Variants in TMEM30B observed in about 807,000 individuals in gnomAD.
TMEM30B encodes cell cycle control protein 50B.
In TMEM30B, 25 loss-of-function variants were observed where a neutral mutation model predicts 27.9. The ratio of observed to expected loss-of-function variants is 0.89; its 90% CI spans 0.65 to 1.25. The LOEUF is 1.25. Among genes scored for constraint, TMEM30B ranks in the 50% most tolerant of loss-of-function variants. The pLI, the probability that TMEM30B is intolerant of heterozygous loss-of-function variation, is 0.00. For synonymous variants in TMEM30B, 248 were observed against 238.5 expected (o/e 1.04, Z -0.37); for missense variants, 536 against 506.5 (o/e 1.06, Z -0.56).
rs1362681021 is a variant in TMEM30B at position 61,277,742 on chromosome 14, A to G, written c.*2350T>C. On this transcript the variant is annotated 3_prime_UTR_variant, in exon 1 of 1. Coordinates refer to ENST00000555868, the MANE Select transcript of TMEM30B (RefSeq NM_001017970.3). ...TTTGAGGACTATCTAGTTTATATAC[A>G]TGTTGAGGTTGATAAAGTATTGAGG... 1 of 152,238 alleles carries G rather than the reference A, an allele frequency of 6.6e-6. No individual in the cohort carries two copies. Among genetic ancestry groups the G allele is most frequent in the African/African-American group, 2.4e-5 (1 of 41,460 alleles). 9.4% of individuals were successfully genotyped at this position (152,238 alleles called of 1,614,324 possible).
Position 61,277,874 on chromosome 14 carries a change from T to C in TMEM30B, c.*2218A>G, listed in dbSNP as rs2045218204. 3 of 152,232 alleles carry C rather than the reference T, an allele frequency of 2.0e-5. No homozygotes were observed. The South Asian group carries it at 6.2e-4, about 31-fold the overall frequency. The allele number at this position is 152,232 out of a possible 1,614,324, so 9.4% of individuals were successfully genotyped here. A position where few individuals can be genotyped will look rare whatever the true frequency, so the allele number is the denominator to read the frequency against. Reference sequence around the variant, plus strand: ...AACTGAATGTTACTATAAAAGATGGTTTTCTTGCTGCAATGTAAATCTGCT... The same window carrying C: ...AACTGAATGTTACTATAAAAGATGGCTTTCTTGCTGCAATGTAAATCTGCT... On this transcript the variant is annotated 3_prime_UTR_variant, in exon 1 of 1. Coordinates refer to ENST00000555868, the MANE Select transcript of TMEM30B (RefSeq NM_001017970.3).
At position 61,280,814 on chromosome 14, in the gene TMEM30B, A is replaced by G. The variant is rs142725512; in HGVS notation, c.334T>C (p.Tyr112His). 16 of 1,564,600 alleles carry G rather than the reference A, an allele frequency of 1.0e-5. No individual in the cohort carries two copies. The highest frequency in any genetic ancestry group is 1.4e-5 in the Non-Finnish European group (16 of 1,164,286). The change falls in exon 1 of 1, where the codon TAC becomes CAC. Residue 112 changes from tyrosine to histidine, a missense_variant. Coordinates refer to ENST00000555868, the MANE Select transcript of TMEM30B (RefSeq NM_001017970.3). This position sits in a 1 kb window ranked among gnomAD's most constrained non-coding sequence, Gnocchi z 5.0. ...TTCTGGTAGAAGTTGGTCAGCTCGT[A>G]GTAGAGGTACACTGGGCCCTGGAAG... is the stretch of plus-strand genomic sequence containing the variant. ...ELFQGPVYLY[Y>H]ELTNFYQNNR... is the part of the protein sequence containing the mutation.
rs549538559 is a variant in TMEM30B at position 61,279,307 on chromosome 14, A to G, written c.*785T>C. 6.6e-6 allele frequency: 1 copy of G among 152,320 alleles called. No individual in the cohort carries two copies. The highest frequency in any genetic ancestry group is 1.9e-4 in the East Asian group (1 of 5,190). 9.4% of individuals were successfully genotyped at this position (152,320 alleles called of 1,614,324 possible). A position where few individuals can be genotyped will look rare whatever the true frequency, so the allele number is the denominator to read the frequency against. ...AAAATTCATTCCACAAATCATCAAG[A>G]GCTTCCTACGTTCAAGGCAGAGTGC... On this transcript the variant is annotated 3_prime_UTR_variant, in exon 1 of 1. Coordinates refer to ENST00000555868, the MANE Select transcript of TMEM30B (RefSeq NM_001017970.3).
In TMEM30B at chr14:61,280,491, G is replaced by A. The variant is rs370018587; in HGVS notation, c.657C>T (p.Ala219=). 2.5e-6 allele frequency: 4 copies of A among 1,613,040 alleles called. No homozygotes were observed. In the African/African-American group the frequency reaches 4.0e-5, roughly 16 times the overall value. ...PPLVNGSLAL[A]FQGTAPPPNW... ...TGGGCGGGGGCGCCGTGCCCTGGAA[G>A]GCCAACGCCAGGCTGCCGTTGACCA... is the stretch of plus-strand genomic sequence containing the variant. The change falls in exon 1 of 1, where the codon GCC becomes GCT. Residue 219 remains alanine, a synonymous_variant. Transcript: ENST00000555868. This position sits in a 1 kb window ranked among gnomAD's most constrained non-coding sequence, Gnocchi z 5.0.
At position 61,280,305 on chromosome 14, in the gene TMEM30B, G is replaced by A; in HGVS notation, c.843C>T (p.Gly281=). 3 of 1,613,790 alleles carry A rather than the reference G, an allele frequency of 1.9e-6. No individual in the cohort carries two copies. The highest frequency in any genetic ancestry group is 1.7e-6 in the Non-Finnish European group (2 of 1,179,950). ...QGNYSAGLPR[G]AYRVNITYNY... is the part of the protein sequence containing the mutation. ...TGTAGGTGATGTTGACGCGGTAGGC[G>A]CCCCGCGGCAGCCCGGCCGAGTAGT... The change falls in exon 1 of 1, where the codon GGC becomes GGT. Residue 281 remains glycine (G), a synonymous_variant. Coordinates refer to ENST00000555868, the MANE Select transcript of TMEM30B (RefSeq NM_001017970.3). The surrounding 1 kb of genome is among the most constrained non-coding windows in gnomAD (Gnocchi z 5.0).
Position 61,281,079 on chromosome 14 carries a change from G to T in TMEM30B, c.69C>A (p.Leu23=). The change falls in exon 1 of 1, where the codon CTC becomes CTA. Residue 23 remains leucine (L), a synonymous_variant. Coordinates refer to ENST00000555868, the MANE Select transcript of TMEM30B (RefSeq NM_001017970.3). The part of the protein sequence containing the change: ...PDNTAFTQQR[L]PAWQPLLSAS... ...CCGACAGCAGCGGCTGCCAGGCGGG[G>T]AGGCGCTGCTGAGTGAAGGCGGTGT... 1 of 1,517,294 alleles carries T rather than the reference G, an allele frequency of 6.6e-7. No homozygotes were observed. Among genetic ancestry groups the T allele is most frequent in the Non-Finnish European group, 8.8e-7 (1 of 1,136,802 alleles). 94.0% of individuals were successfully genotyped at this position (1,517,294 alleles called of 1,614,324 possible).
Position 61,279,704 on chromosome 14 carries a change from C to T in TMEM30B, c.*388G>A, listed in dbSNP as rs1433942721. The T allele has an allele frequency of 5.2e-6, 1 of 193,674 alleles. No homozygotes were observed. Among genetic ancestry groups the T allele is most frequent in the African/African-American group, 2.4e-5 (1 of 42,298 alleles). The allele number at this position is 193,674 out of a possible 1,614,324, so 12.0% of individuals were successfully genotyped here. On this transcript the variant is annotated 3_prime_UTR_variant, in exon 1 of 1. Coordinates refer to ENST00000555868, the MANE Select transcript of TMEM30B (RefSeq NM_001017970.3). Reference sequence around the variant, plus strand: ...TGGCGAAAGCCCTGGACTCAAGATTCAGGAGTCACTTGCAGCTGCCTGATC... The same window carrying T: ...TGGCGAAAGCCCTGGACTCAAGATTTAGGAGTCACTTGCAGCTGCCTGATC...
chr14:61,281,235 G>T lies in TMEM30B; in HGVS notation c.-88C>A. On this transcript the variant is annotated 5_prime_UTR_variant, in exon 1 of 1. Coordinates refer to ENST00000555868, the MANE Select transcript of TMEM30B (RefSeq NM_001017970.3). ...CCTCTCCGCGCCGCGCAAGCCCGGG[G>T]ACTGCTCGCGGGTCGGGTTTCCCGC... is the stretch of plus-strand genomic sequence containing the variant. 1 of 830,554 alleles carries T rather than the reference G, an allele frequency of 1.2e-6. No individual in the cohort carries two copies. 51.4% of individuals were successfully genotyped at this position (830,554 alleles called of 1,614,324 possible).
chr14:61,277,892 A>C lies in TMEM30B; in HGVS notation c.*2200T>G, dbSNP rs370516145. ...AAGATGGTTTTCTTGCTGCAATGTA[A>C]ATCTGCTATTAAGAAATTAGCAAAG... On this transcript the variant is annotated 3_prime_UTR_variant, in exon 1 of 1. Coordinates refer to ENST00000555868, the MANE Select transcript of TMEM30B (RefSeq NM_001017970.3). 2.0e-5 allele frequency: 3 copies of C among 152,230 alleles called. No individual in the cohort carries two copies. The East Asian group carries it at 5.8e-4, about 29-fold the overall frequency. 9.4% of individuals were successfully genotyped at this position (152,230 alleles called of 1,614,324 possible).
Position 61,280,380 on chromosome 14 carries a change from C to G in TMEM30B, c.768G>C (p.Thr256=), listed in dbSNP as rs758097324. Residue 256 remains threonine, a synonymous_variant, in exon 1 of 1, where the codon ACG becomes ACC. Transcript: ENST00000555868. The surrounding 1 kb of genome is among the most constrained non-coding windows in gnomAD (Gnocchi z 5.0). ...GTTTGCGGAACGTGGGCAGCGCCGCCGTGCGCATCCACACCACGAAGTCCT... is the reference window on the plus strand; with the variant it reads ...GTTTGCGGAACGTGGGCAGCGCCGCGGTGCGCATCCACACCACGAAGTCCT... The part of the protein sequence containing the change: ...INQDFVVWMR[T]AALPTFRKLY... 3 of 1,614,008 alleles carry G rather than the reference C, an allele frequency of 1.9e-6. No individual in the cohort carries two copies. The highest frequency in any genetic ancestry group is 2.5e-6 in the Non-Finnish European group (3 of 1,179,896).
rs1403317537 is a variant in TMEM30B, at chr14:61,278,474, G to T, written c.*1618C>A. ...TTGTCCATGTTCAGTAATTTTCAAA[G>T]ACTAGAATAAACTATGTAAACTATT... On this transcript the variant is annotated 3_prime_UTR_variant, in exon 1 of 1. Coordinates refer to ENST00000555868, the MANE Select transcript of TMEM30B (RefSeq NM_001017970.3). 6.6e-6 allele frequency: 1 copy of T among 152,148 alleles called. No homozygotes were observed. The highest frequency in any genetic ancestry group is 6.5e-5 in the Admixed American group (1 of 15,280). 9.4% of individuals were successfully genotyped at this position (152,148 alleles called of 1,614,324 possible).
At position 61,280,251 on chromosome 14, in the gene TMEM30B, G is replaced by A; in HGVS notation, c.897C>T (p.His299=). 1 of 1,614,166 alleles carries A rather than the reference G, an allele frequency of 6.2e-7. No homozygotes were observed. Among genetic ancestry groups the A allele is most frequent in the South Asian group, 1.1e-5 (1 of 91,084 alleles). Residue 299 remains histidine, a synonymous_variant, in exon 1 of 1, where the codon CAC becomes CAT. Transcript: ENST00000555868. This position sits in a 1 kb window ranked among gnomAD's most constrained non-coding sequence, Gnocchi z 5.0. ...AGATGCTGCTGAAGATGAGGAGCTT[G>A]TGGCCGCCGAACGCGCGCACCGGGT... ...YNYPVRAFGG[H]KLLIFSSISW...
In TMEM30B at chr14:61,280,182, C is replaced by T; in HGVS notation, c.966G>A (p.Leu322=). ...GKNPFLGIAY[L]VVGSLCILTG... is the part of the protein sequence containing the mutation. ...TGAGGATGCAGAGGGAGCCGACGAC[C>T]AGGTAGGCGATGCCCAGGAAGGGGT... is the stretch of plus-strand genomic sequence containing the variant. Residue 322 remains leucine, a synonymous_variant, in exon 1 of 1, where the codon CTG becomes CTA. Coordinates refer to ENST00000555868, the MANE Select transcript of TMEM30B (RefSeq NM_001017970.3). This position sits in a 1 kb window ranked among gnomAD's most constrained non-coding sequence, Gnocchi z 5.0. The T allele has an allele frequency of 1.2e-6, 2 of 1,614,148 alleles. No homozygotes were observed. Among genetic ancestry groups the T allele is most frequent in the Non-Finnish European group, 1.7e-6 (2 of 1,180,014 alleles).
chr14:61,280,518 C>A lies in TMEM30B; in HGVS notation c.630G>T (p.Pro210=), dbSNP rs1363090069. The A allele has an allele frequency of 6.2e-7, 1 of 1,612,632 alleles. No homozygotes were observed. Among genetic ancestry groups the A allele is most frequent in the South Asian group, 1.1e-5 (1 of 91,010 alleles). The change falls in exon 1 of 1, where the codon CCG becomes CCT. Residue 210 remains proline, a synonymous_variant. Coordinates refer to ENST00000555868, the MANE Select transcript of TMEM30B (RefSeq NM_001017970.3). The surrounding 1 kb of genome is among the most constrained non-coding windows in gnomAD (Gnocchi z 5.0). ...CCAACGCCAGGCTGCCGTTGACCAG[C>A]GGCGGGTTGCGGAACTTGACGTGGT... ...TDYHVKFRNP[P]LVNGSLALAF...
At position 61,279,894 on chromosome 14, in the gene TMEM30B, T is replaced by A; in HGVS notation, c.*198A>T. Reference sequence around the variant, plus strand: ...TTTGCAAGGATGTTTCACTCTGCAGTCAACATCCCTCCCCGCGGCAAGACA... The same window carrying A: ...TTTGCAAGGATGTTTCACTCTGCAGACAACATCCCTCCCCGCGGCAAGACA... On this transcript the variant is annotated 3_prime_UTR_variant, in exon 1 of 1. Coordinates refer to ENST00000555868, the MANE Select transcript of TMEM30B (RefSeq NM_001017970.3). 1 of 590,238 alleles carries A rather than the reference T, an allele frequency of 1.7e-6. No homozygotes were observed. Among genetic ancestry groups the A allele is most frequent in the Non-Finnish European group, 3.0e-6 (1 of 333,910 alleles). The allele number at this position is 590,238 out of a possible 1,614,324, so 36.6% of individuals were successfully genotyped here.
Position 61,280,662 on chromosome 14 carries a change from G to A in TMEM30B, c.486C>T (p.Cys162=). Residue 162 remains cysteine, a synonymous_variant, in exon 1 of 1, where the codon TGC becomes TGT. Transcript: ENST00000555868. This position sits in a 1 kb window ranked among gnomAD's most constrained non-coding sequence, Gnocchi z 5.0. ...TGAAGAGGCTGTTGGCGATGGCGCC[G>A]CAGGGCGCGATGGGCAGGCCGGCCG... ...RSAAGLPIAP[C]GAIANSLFND... is the part of the protein sequence containing the mutation. 1.3e-6 allele frequency: 2 copies of A among 1,571,132 alleles called. No individual in the cohort carries two copies. The highest frequency in any genetic ancestry group is 8.6e-7 in the Non-Finnish European group (1 of 1,159,620).
rs2045232079 is a variant in TMEM30B, at chr14:61,279,108, A to G, written c.*984T>C. On this transcript the variant is annotated 3_prime_UTR_variant, in exon 1 of 1. Coordinates refer to ENST00000555868, the MANE Select transcript of TMEM30B (RefSeq NM_001017970.3). The stretch of plus-strand genomic sequence containing the variant: ...TTCCAGCTATCTGATTCTACGTTAA[A>G]GCATTTCCTCTGAACTGTACAAACT... 1 of 152,128 alleles carries G rather than the reference A, an allele frequency of 6.6e-6. No individual in the cohort carries two copies. Among genetic ancestry groups the G allele is most frequent in the African/African-American group, 2.4e-5 (1 of 41,434 alleles). 9.4% of individuals were successfully genotyped at this position (152,128 alleles called of 1,614,324 possible).
rs2045248704 is a variant in TMEM30B, at chr14:61,280,480, G to A, written c.668C>T (p.Thr223Met). The change falls in exon 1 of 1, where the codon ACG (threonine) becomes ATG (methionine). Residue 223 changes from threonine to methionine, a missense_variant. Thr to Met is a moderately conservative substitution (Grantham distance 81). Transcript: ENST00000555868. The surrounding 1 kb of genome is among the most constrained non-coding windows in gnomAD (Gnocchi z 5.0). ...CCGGCGCCAGTTGGGCGGGGGCGCC[G>A]TGCCCTGGAAGGCCAACGCCAGGCT... ...NGSLALAFQG[T>M]APPPNWRRPV... is the part of the protein sequence containing the mutation. The A allele has an allele frequency of 1.9e-6, 3 of 1,613,206 alleles. No homozygotes were observed. The highest frequency in any genetic ancestry group is 2.2e-5 in the East Asian group (1 of 44,842).
In TMEM30B at chr14:61,280,569, G is replaced by C; in HGVS notation, c.579C>G (p.Arg193=). The part of the protein sequence containing the change: ...GGPYVEVPLD[R]SGIAWWTDYH... ...AGTCGGTCCACCAGGCGATGCCGGA[G>C]CGGTCGAGCGGCACCTCGACGTAGG... Residue 193 remains arginine (R), a synonymous_variant, in exon 1 of 1, where the codon CGC becomes CGG. Transcript: ENST00000555868. This position sits in a 1 kb window ranked among gnomAD's most constrained non-coding sequence, Gnocchi z 5.0. 4 of 1,605,142 alleles carry C rather than the reference G, an allele frequency of 2.5e-6. No homozygotes were observed. Among genetic ancestry groups the C allele is most frequent in the South Asian group, 1.1e-5 (1 of 90,302 alleles).
Sources: gnomAD v4.1 joint callset for allele counts on GRCh38, gnomAD v4.1.1 for gene constraint, Gnocchi (gnomAD v3.1) non-coding constraint, MANE v1.5 for transcripts, NCBI Gene and HGNC (gene_info 2026-07-23, HGNC 2026-07-21) for gene names.